The following SPAG16 variants were observed in gnomAD, a reference collection of about 807,000 sequenced individuals.
The protein encoded by SPAG16 is sperm-associated antigen 16 protein.
In SPAG16, 86 loss-of-function variants were observed where a neutral mutation model predicts 80.4. The observed-to-expected ratio is 1.07, with a 90% CI of 0.90 to 1.28. The LOEUF is 1.28. SPAG16 is among the 50% of genes most tolerant of loss of function. The pLI is 0.00. For synonymous variants in SPAG16, 294 were observed against 265.9 expected, an observed-to-expected ratio of 1.11 and a Z score of -1.03; for missense variants, 870 against 765.3, an observed-to-expected ratio of 1.14 and a Z score of -1.61.
chr2:214,043,422 T>A (rs1454866506), intron 13 of SPAG16, among the ~76,000 whole-genome samples: 1 of 152,124 alleles, frequency 6.6e-6, no homozygotes, highest in East Asian at 1.9e-4. Flanking sequence ...CTGCCAACAT[T>A]TTTCCCCAGG....
chr2:213,509,458 T>A (rs1169022436), intron 10 of SPAG16, among the ~76,000 whole-genome samples: 1 of 152,152 alleles, frequency 6.6e-6, no homozygotes, highest in Non-Finnish European at 1.5e-5. Context: ...AATAAGCAGT[T>A]TTATTTATCT....
At chr2:213,635,881 T>G (rs1574585450) in intron 10 of SPAG16, among the ~76,000 whole-genome samples, 1 of 152,168 alleles carries the variant, frequency 6.6e-6, no homozygotes, top group Non-Finnish European at 1.5e-5. Flanking sequence ...TTGCAAAAAT[T>G]TTCTTCCACT....
At chr2:214,312,156 A>C (rs1021145984) in intron 15 of SPAG16, among the ~76,000 whole-genome samples, 1 of 152,196 alleles carries the variant, frequency 6.6e-6, no homozygotes, top group Non-Finnish European at 1.5e-5. Flanking sequence ...GTGTTTAATG[A>C]TATGAATCAT....
At chr2:213,699,245 G>A (rs772667689) in intron 10 of SPAG16, among the ~76,000 whole-genome samples, 3 of 151,064 alleles carry the variant, frequency 2.0e-5, no homozygotes, top group Admixed American at 6.6e-5. Context: ...TTTTCCTTAC[G>A]TTGTTCTCCT....
intron 10 of SPAG16, among the ~76,000 whole-genome samples, chr2:213,710,232 C>T (rs1048113481): frequency 9.3e-5 from 14 of 151,160 alleles, no homozygotes; most frequent in African/African-American, 2.4e-4. Context: ...TGCAGTGAGC[C>T]GAGATCGCAC....
intron 10 of SPAG16, among the ~76,000 whole-genome samples, chr2:213,707,459 A>G (rs2065806616): frequency 6.6e-6 from 1 of 152,196 alleles, no homozygotes; most frequent in South Asian, 2.1e-4. Flanking sequence ...CTTCCAAATC[A>G]TGGATTAGTC....
At chr2:214,248,945 A>G (rs1690052649) in intron 15 of SPAG16, among the ~76,000 whole-genome samples, 1 of 152,198 alleles carries the variant, frequency 6.6e-6, no homozygotes, top group Non-Finnish European at 1.5e-5. Context: ...CACAGCAGAT[A>G]AAAGTTTTAA....
intron 15 of SPAG16, among the ~76,000 whole-genome samples, chr2:214,329,491 G>T: frequency 6.6e-6 from 1 of 152,152 alleles, no homozygotes; most frequent in South Asian, 2.1e-4. Context: ...AAGAGGTAAA[G>T]AAAATGCAAA....
At chr2:213,307,045 A>G (rs2062967606) in intron 3 of SPAG16, among the ~76,000 whole-genome samples, 1 of 152,018 alleles carries the variant, frequency 6.6e-6, no homozygotes, top group Non-Finnish European at 1.5e-5. Context: ...CTCCTTCCAA[A>G]TTATTCTTTT....
chr2:214,056,302 C>CAG (rs1415493958), intron 13 of SPAG16, among the ~76,000 whole-genome samples: 2 of 151,524 alleles, frequency 1.3e-5, no homozygotes, highest in East Asian at 3.9e-4. Context: ...CACACACACA[C>CAG]ACACACACAC....
chr2:213,364,276 A>T (rs1420986316), intron 8 of SPAG16, 131 bp downstream of exon 8: 10 of 435,870 alleles, frequency 2.3e-5, no homozygotes, highest in Non-Finnish European at 4.0e-5. Flanking sequence ...AAATTTTAAT[A>T]AAAAGATTAA....
intron 15 of SPAG16, among the ~76,000 whole-genome samples, chr2:214,177,002 A>G (rs1052986951): frequency 6.6e-6 from 1 of 151,124 alleles, no homozygotes; most frequent in African/African-American, 2.4e-5. Flanking sequence ...ATAATTGGGG[A>G]AAAACCCTCA....
intron 10 of SPAG16, among the ~76,000 whole-genome samples, chr2:213,630,138 C>G (rs1196554726): frequency 6.6e-6 from 1 of 152,174 alleles, no homozygotes; most frequent in East Asian, 1.9e-4. Flanking sequence ...AATCCCAGCA[C>G]TTTGGGAGGC....
chr2:214,382,678 C>T (rs1700517478), intron 15 of SPAG16, among the ~76,000 whole-genome samples: 1 of 152,178 alleles, frequency 6.6e-6, no homozygotes, highest in Admixed American at 6.5e-5. Context: ...TGAAAGTTTC[C>T]ATATTGAATC....
intron 12 of SPAG16, among the ~76,000 whole-genome samples, chr2:213,969,761 A>C (rs1387895394): frequency 6.6e-6 from 1 of 152,144 alleles, no homozygotes; most frequent in Non-Finnish European, 1.5e-5. Flanking sequence ...CAATTTCTAA[A>C]ATCTGGCACC....
intron 10 of SPAG16, among the ~76,000 whole-genome samples, chr2:213,491,267 T>C (rs2074222839): frequency 6.6e-6 from 1 of 152,230 alleles, no homozygotes; most frequent in African/African-American, 2.4e-5. Flanking sequence ...CTTTTTCTTA[T>C]ATGTCTATCG....
At chr2:213,487,123 CCTGA>C (rs2074015068) in intron 9 of SPAG16, among the ~76,000 whole-genome samples, 2 of 151,822 alleles carry the variant, frequency 1.3e-5, no homozygotes, top group Non-Finnish European at 2.9e-5. Context: ...TTATTTTAAC[CCTGA>C]CTTTTATTTC....
At chr2:213,478,076 G>A (rs2073520221) in intron 9 of SPAG16, among the ~76,000 whole-genome samples, 1 of 152,130 alleles carries the variant, frequency 6.6e-6, no homozygotes, top group South Asian at 2.1e-4. Context: ...ACTCTGTCCT[G>A]CTGCCCTGTG....
chr2:213,529,909 TA>T (rs1455444662), intron 10 of SPAG16, among the ~76,000 whole-genome samples: 1 of 152,212 alleles, frequency 6.6e-6, no homozygotes, highest in Admixed American at 6.5e-5. Flanking sequence ...AAGTTTTTGT[TA>T]AAAAGTAAGA....
Sources: gnomAD v4.1 joint callset for allele counts (sites outside exome capture counted in the v4.1 genomes callset) on GRCh38, gnomAD v4.1.1 for gene constraint, MANE v1.5 for transcripts, NCBI Gene and HGNC (gene_info 2026-07-23, HGNC 2026-07-21) for gene names.